Variants in ARSB observed in about 807,000 individuals in gnomAD.
ARSB encodes arylsulfatase B, also known as N-acetylgalactosamine-4-sulfatase.
A neutral mutation model predicts 50.9 loss-of-function variants in ARSB; 41 were observed. That is an observed-to-expected ratio of 0.81 (90% CI 0.63 to 1.04). The LOEUF (loss-of-function observed/expected upper bound fraction) is 1.04. Among genes scored for constraint, ARSB ranks in the 50% least tolerant of loss-of-function variants. The pLI is 0.00. For synonymous variants in ARSB, 269 were observed against 284.8 expected (o/e 0.94, Z 0.56); for missense variants, 672 against 693.3 (o/e 0.97, Z 0.35).
intron 1 of ARSB, among the ~76,000 whole-genome samples, chr5:78,977,859 T>C (rs1049106144): frequency 2.6e-5 from 4 of 152,212 alleles, no homozygotes; most frequent in African/African-American, 7.2e-5. Flanking sequence ...TTCATTAAGG[T>C]TGCAAAATGA....
At chr5:78,970,848 C>T (rs910346743) in intron 1 of ARSB, among the ~76,000 whole-genome samples, 4 of 152,046 alleles carry the variant, frequency 2.6e-5, no homozygotes, top group African/African-American at 9.7e-5. Flanking sequence ...GTAGTCCCAG[C>T]TACCAAGGAG....
At chr5:78,968,107 C>T (rs7732099) in intron 2 of ARSB, among the ~76,000 whole-genome samples, 40,253 of 151,654 alleles carry the variant, frequency 0.27, 6,643 homozygotes, top group African/African-American at 0.47. Flanking sequence ...CTTCTTATTA[C>T]CATTTATTTG....
At chr5:78,846,696 T>C (rs931214680) in intron 5 of ARSB, among the ~76,000 whole-genome samples, 1 of 152,170 alleles carries the variant, frequency 6.6e-6, no homozygotes, top group African/African-American at 2.4e-5. Flanking sequence ...CATCTGCAAA[T>C]AGGGACAATT....
rs374444501 is a variant in ARSB, at chr5:78,867,103, T to C, written c.1142+18481A>G. 1.2e-4 allele frequency among the ~76,000 whole-genome samples: 18 copies of C among 152,220 alleles called. No homozygotes were observed. In the East Asian group the frequency reaches 1.5e-3, roughly 13 times the overall value. On this transcript the variant is annotated intron_variant, in intron 5 of 7. Coordinates refer to ENST00000264914, the MANE Select transcript of ARSB (RefSeq NM_000046.5). ...TCACTCCCACCCGAATATTGCGCTT[T>C]TCAGACTGGCTTAAAAAACGGCGTA...
At chr5:78,923,582 G>T (rs1254137269) in intron 4 of ARSB, among the ~76,000 whole-genome samples, 3 of 152,204 alleles carry the variant, frequency 2.0e-5, no homozygotes, top group Non-Finnish European at 4.4e-5. Flanking sequence ...TTTAACTATG[G>T]ATCACAGTCC....
chr5:78,787,194 G>T (rs1407292715), intron 6 of ARSB, among the ~76,000 whole-genome samples: 4 of 150,614 alleles, frequency 2.7e-5, no homozygotes, highest in African/African-American at 7.3e-5. Flanking sequence ...GGCCTCAAGC[G>T]ATCCAGCCTC....
Position 78,985,002 on chromosome 5 carries a change from C to T in ARSB, c.247G>A (p.Asp83Asn). The change falls in exon 1 of 8, where the codon GAC (aspartate) becomes AAC (asparagine). Residue 83 changes from aspartate (D) to asparagine (N), a missense_variant. Coordinates refer to ENST00000264914, the MANE Select transcript of ARSB (RefSeq NM_000046.5). Reference protein sequence around the residue: ...DALAAGGVLLDNYYTQPLCTP... With the variant: ...DALAAGGVLLNNYYTQPLCTP... ...CACAGCGGCTGCGTGTAGTAGTTGTCCAGGAGCACCCCGCCGGCCGCCAGC... is the reference window on the plus strand; with the variant it reads ...CACAGCGGCTGCGTGTAGTAGTTGTTCAGGAGCACCCCGCCGGCCGCCAGC... 1.3e-6 allele frequency: 2 copies of T among 1,539,360 alleles called. No homozygotes were observed. Among genetic ancestry groups the T allele is most frequent in the Non-Finnish European group, 8.7e-7 (1 of 1,146,324 alleles).
intron 4 of ARSB, 59 bp from the exon 5 acceptor site, chr5:78,885,886 A>G: frequency 1.9e-6 from 3 of 1,608,092 alleles, no homozygotes; most frequent in Non-Finnish European, 2.6e-6. Context: ...ACATTTAAGA[A>G]CAGAGACTGT....
intron 5 of ARSB, among the ~76,000 whole-genome samples, chr5:78,873,790 C>T (rs1412326439): frequency 1.3e-5 from 2 of 152,004 alleles, no homozygotes; most frequent in African/African-American, 2.4e-5. Flanking sequence ...CCACCGCACC[C>T]GGCCTAAAAC....
intron 5 of ARSB, among the ~76,000 whole-genome samples, chr5:78,851,871 T>A (rs1371170412): frequency 2.0e-5 from 3 of 152,070 alleles, no homozygotes; most frequent in East Asian, 3.9e-4. Flanking sequence ...TATCAGAGAC[T>A]AGGATTGCAA....
chr5:78,975,159 G>A (rs1012361520), intron 1 of ARSB, among the ~76,000 whole-genome samples: 3 of 152,226 alleles, frequency 2.0e-5, no homozygotes, highest in African/African-American at 7.2e-5. Context: ...TCCAGGGAGA[G>A]GCGACCACTG....
rs141392251 is a variant in ARSB at position 78,836,754 on chromosome 5, G to A, written c.1213+2602C>T. Among the ~76,000 whole-genome samples the A allele has an allele frequency of 9.2e-5, 14 of 152,274 alleles. No homozygotes were observed. The East Asian group carries it at 9.7e-4, about 11-fold the overall frequency. ...TGCTGTGGTGATAGTGTATTCGTCCGTCCTTGCATTGTTATAAAGAACTAC... is the reference window on the plus strand; with the variant it reads ...TGCTGTGGTGATAGTGTATTCGTCCATCCTTGCATTGTTATAAAGAACTAC... On this transcript the variant is annotated intron_variant, in intron 6 of 7. Coordinates refer to ENST00000264914, the MANE Select transcript of ARSB (RefSeq NM_000046.5).
intron 6 of ARSB, among the ~76,000 whole-genome samples, chr5:78,829,136 T>G (rs1033027178): frequency 6.6e-6 from 1 of 152,210 alleles, no homozygotes; most frequent in Non-Finnish European, 1.5e-5. Context: ...GCCCTGCCAA[T>G]CGGTACCCTG....
chr5:78,809,993 T>TGG (rs1743746344), intron 6 of ARSB, among the ~76,000 whole-genome samples: 1 of 152,174 alleles, frequency 6.6e-6, no homozygotes, highest in African/African-American at 2.4e-5. Flanking sequence ...GCCAGTGTGG[T>TGG]GGGCACCCCA....
intron 3 of ARSB, among the ~76,000 whole-genome samples, chr5:78,963,701 T>C (rs1050023687): frequency 6.6e-6 from 1 of 152,118 alleles, no homozygotes; most frequent in East Asian, 1.9e-4. Context: ...AGCATCAGTA[T>C]AGTAAATGTG....
Position 78,905,253 on chromosome 5 carries a change from C to T in ARSB, c.899-19426G>A, listed in dbSNP as rs571193556. On this transcript the variant is annotated intron_variant, in intron 4 of 7. Transcript: ENST00000264914. ...GCATTAAAGTTTTTGTCTGACAACA[C>T]CAATATTTGGATGATCATCTCAAAT... 2.6e-5 allele frequency among the ~76,000 whole-genome samples: 4 copies of T among 151,852 alleles called. No individual in the cohort carries two copies. In the South Asian group the frequency reaches 8.3e-4, roughly 32 times the overall value.
intron 4 of ARSB, among the ~76,000 whole-genome samples, chr5:78,893,086 C>G (rs1001551456): frequency 6.6e-6 from 1 of 152,138 alleles, no homozygotes; most frequent in Non-Finnish European, 1.5e-5. Context: ...ATACTGTTCT[C>G]GTGGTAGTGA....
At chr5:78,959,219 G>A (rs1411777163) in intron 3 of ARSB, among the ~76,000 whole-genome samples, 1 of 152,084 alleles carries the variant, frequency 6.6e-6, no homozygotes, top group Non-Finnish European at 1.5e-5. Flanking sequence ...CTGCTGCCAC[G>A]TGAAGAAAGA....
chr5:78,857,051 T>C (rs755009026), intron 5 of ARSB, among the ~76,000 whole-genome samples: 5 of 152,224 alleles, frequency 3.3e-5, no homozygotes, highest in Non-Finnish European at 7.3e-5. Context: ...AAAGCCCTTT[T>C]ATTGTAAAAT....
Sources: allele counts gnomAD v4.1 joint callset (sites outside exome capture counted in the v4.1 genomes callset), GRCh38; gene constraint gnomAD v4.1.1; transcripts MANE v1.5; gene names NCBI Gene and HGNC (gene_info 2026-07-23, HGNC 2026-07-21).